STK39: variants seen among roughly 807,000 people sequenced by gnomAD.
STK39 encodes STE20/SPS1-related proline-alanine-rich protein kinase.
Under a neutral mutation model 77.8 loss-of-function variants are expected in STK39, and 20 were observed. The observed-to-expected ratio is 0.26, with a 90% CI of 0.18 to 0.37. The LOEUF (loss-of-function observed/expected upper bound fraction) is 0.37. Ranked by LOEUF, STK39 falls within the 10% of genes least tolerant of loss-of-function variation. The probability of loss-of-function intolerance (pLI) is 1.00; values close to 1 mark genes in which losing one functional copy is unlikely to be tolerated. For synonymous variants in STK39, 246 were observed against 234.1 expected (o/e 1.05, Z -0.47); for missense variants, 479 against 656.5 (o/e 0.73, Z 2.95).
chr2:168,241,019 C>A (rs1690744972), intron 1 of STK39, among the ~76,000 whole-genome samples: 1 of 152,268 alleles, frequency 6.6e-6, no homozygotes, highest in South Asian at 2.1e-4. Flanking sequence ...AGGGCAGAAG[C>A]CAGACTGCAG....
intron 10 of STK39, among the ~76,000 whole-genome samples, chr2:168,098,081 T>C (rs2105445446): frequency 6.6e-6 from 1 of 152,330 alleles, no homozygotes; most frequent in African/African-American, 2.4e-5. Context: ...CAATACTAAG[T>C]AATCACTAGA....
intron 16 of STK39, among the ~76,000 whole-genome samples, chr2:167,997,207 T>G (rs1559049909): frequency 6.6e-6 from 1 of 151,850 alleles, no homozygotes; most frequent in Non-Finnish European, 1.5e-5. Flanking sequence ...TTGTGGACTA[T>G]AAGTAGGACA....
At chr2:168,002,837 C>CGT (rs922008932) in intron 16 of STK39, among the ~76,000 whole-genome samples, 5 of 152,104 alleles carry the variant, frequency 3.3e-5, no homozygotes, top group African/African-American at 9.6e-5. Flanking sequence ...CGTTTGTGTT[C>CGT]GTGTGTGTGT....
chr2:168,008,478 C>T (rs1219145698), intron 16 of STK39, among the ~76,000 whole-genome samples: 2 of 152,122 alleles, frequency 1.3e-5, no homozygotes, highest in Non-Finnish European at 2.9e-5. Flanking sequence ...ACACCAGGGG[C>T]TGGATTTTGA....
At chr2:167,983,138 C>A (rs1683464727) in intron 16 of STK39, among the ~76,000 whole-genome samples, 1 of 152,064 alleles carries the variant, frequency 6.6e-6, no homozygotes, top group African/African-American at 2.4e-5. Flanking sequence ...TAAACTTGAG[C>A]CTTAAACTCT....
intron 14 of STK39, among the ~76,000 whole-genome samples, chr2:168,053,472 G>A (rs1262429552): frequency 6.6e-6 from 1 of 152,150 alleles, no homozygotes; most frequent in Admixed American, 6.5e-5. Context: ...TCTGGGTGGT[G>A]AGATTATGGA....
chr2:168,102,730 C>T (rs996569873), intron 10 of STK39, among the ~76,000 whole-genome samples: 1 of 151,968 alleles, frequency 6.6e-6, no homozygotes, highest in Non-Finnish European at 1.5e-5. Context: ...GAGATTGAGA[C>T]CTTCCTGGCT....
intron 1 of STK39, among the ~76,000 whole-genome samples, chr2:168,246,168 G>A (rs963755608): frequency 1.3e-5 from 2 of 152,178 alleles, no homozygotes; most frequent in South Asian, 4.1e-4. Context: ...CCAAGATTCT[G>A]GAAAGGCAAC....
At chr2:168,114,449 T>C (rs142253208) in intron 10 of STK39, among the ~76,000 whole-genome samples, 3 of 152,298 alleles carry the variant, frequency 2.0e-5, no homozygotes, top group East Asian at 1.9e-4. Context: ...TCTGTTATAA[T>C]CTGCATAAGT....
chr2:168,246,014 T>TA, intron 1 of STK39, among the ~76,000 whole-genome samples: 1 of 152,192 alleles, frequency 6.6e-6, no homozygotes, highest in Non-Finnish European at 1.5e-5. Context: ...TAGCAGGTGA[T>TA]AAAGGCTCAT....
chr2:168,179,959 G>A (rs1171863976), intron 2 of STK39, among the ~76,000 whole-genome samples: 1 of 152,140 alleles, frequency 6.6e-6, no homozygotes, highest in East Asian at 1.9e-4. Flanking sequence ...GAACTGTCAG[G>A]CACAAGTACA....
At chr2:168,184,574 G>A (rs996138308) in intron 1 of STK39, among the ~76,000 whole-genome samples, 5 of 152,178 alleles carry the variant, frequency 3.3e-5, no homozygotes, top group African/African-American at 1.2e-4. Flanking sequence ...TCCTGTGAAG[G>A]ATAGGGATGT....
At chr2:168,151,893 C>G (rs900077705) in intron 5 of STK39, among the ~76,000 whole-genome samples, 2 of 152,154 alleles carry the variant, frequency 1.3e-5, no homozygotes, top group African/African-American at 2.4e-5. Flanking sequence ...ATATTTGGCT[C>G]AAAGTTCAGT....
At chr2:168,190,181 AAG>A (rs1182730774) in intron 1 of STK39, among the ~76,000 whole-genome samples, 1 of 152,174 alleles carries the variant, frequency 6.6e-6, no homozygotes, top group Non-Finnish European at 1.5e-5. Context: ...GGAGGCCTCC[AAG>A]AGTGTTGGCT....
chr2:168,121,093 G>A (rs1282956199), intron 10 of STK39, among the ~76,000 whole-genome samples: 2 of 152,104 alleles, frequency 1.3e-5, no homozygotes, highest in Non-Finnish European at 2.9e-5. Flanking sequence ...ACTTAACTCT[G>A]CCTACCTTCT....
intron 10 of STK39, among the ~76,000 whole-genome samples, chr2:168,104,362 A>T (rs1686914104): frequency 6.6e-6 from 1 of 151,806 alleles, no homozygotes; most frequent in Admixed American, 6.6e-5. Context: ...GTCATCAAGC[A>T]GGAACTCACA....
intron 8 of STK39, among the ~76,000 whole-genome samples, chr2:168,134,837 C>T (rs962191029): frequency 7.9e-5 from 12 of 152,146 alleles, no homozygotes; most frequent in Non-Finnish European, 1.8e-4. Flanking sequence ...TCACTCATTG[C>T]TCATGAGGTA....
chr2:168,029,194 T>C (rs1480100319), intron 14 of STK39, among the ~76,000 whole-genome samples: 4 of 152,308 alleles, frequency 2.6e-5, no homozygotes, highest in East Asian at 1.9e-4. Flanking sequence ...GAAAGAGACA[T>C]TAGTACATAC....
intron 14 of STK39, among the ~76,000 whole-genome samples, chr2:168,053,976 A>G (rs1250985325): frequency 1.3e-5 from 2 of 152,248 alleles, no homozygotes; most frequent in Non-Finnish European, 1.5e-5. Context: ...TAAATCAAGC[A>G]AGTGATGTGA....
Sources: gnomAD v4.1 joint callset for allele counts (sites outside exome capture counted in the v4.1 genomes callset) on GRCh38, gnomAD v4.1.1 for gene constraint, MANE v1.5 for transcripts, NCBI Gene and HGNC (gene_info 2026-07-23, HGNC 2026-07-21) for gene names.